INSL6: variants seen among roughly 807,000 people sequenced by gnomAD.
INSL6 encodes insulin like 6, also known as insulin-like peptide INSL6.
In INSL6, 16 loss-of-function variants were observed where a neutral mutation model predicts 9.4. The observed-to-expected ratio is 1.70, with a 90% CI of 1.15 to 2.59. The LOEUF (loss-of-function observed/expected upper bound fraction) is 2.59, where lower values mean the gene tolerates loss of function less well. Ranked by LOEUF, INSL6 falls within the 30% of genes most tolerant of loss-of-function variation. The probability of loss-of-function intolerance (pLI) is 0.00; values close to 1 mark genes in which losing one functional copy is unlikely to be tolerated. For missense variants in INSL6, 391 were observed against 257.3 expected (o/e 1.52, Z -3.56); for synonymous variants, 154 against 96.9 (o/e 1.59, Z -3.46).
At chr9:5,054,708 TA>T in the INSL6 span, 1 of 1,613,380 alleles carries the variant, frequency 6.2e-7, no homozygotes, top group Non-Finnish European at 8.5e-7. This position sits in a 1 kb window ranked among gnomAD's most constrained non-coding sequence, Gnocchi z 4.9. Flanking sequence ...GAAACTTAAG[TA>T]TCTTATAAAT....
chr9:5,113,717 G>C, the INSL6 span: 2 of 164,952 alleles, frequency 1.2e-5, no homozygotes, highest in Non-Finnish European at 2.8e-5. Flanking sequence ...GACCTTCCCA[G>C]CCACCACCCT....
At chr9:5,066,562 G>T in the INSL6 span, 6 of 647,642 alleles carry the variant, frequency 9.3e-6, no homozygotes, top group Admixed American at 1.2e-4. Context: ...AACATATAAA[G>T]TAGAGGAGAC....
chr9:5,103,939 G>C, the INSL6 span, among the ~76,000 whole-genome samples: 2 of 152,098 alleles, frequency 1.3e-5, no homozygotes, highest in Admixed American at 6.5e-5. Context: ...GAAATTTATA[G>C]CACTAAATGC....
At chr9:5,010,145 A>G in the INSL6 span, among the ~76,000 whole-genome samples, 1 of 152,114 alleles carries the variant, frequency 6.6e-6, no homozygotes, top group African/African-American at 2.4e-5. Context: ...TCTTCCTGGA[A>G]TTACTGTAAA....
At chr9:5,036,338 G>A in the INSL6 span, among the ~76,000 whole-genome samples, 2 of 152,152 alleles carry the variant, frequency 1.3e-5, no homozygotes, top group East Asian at 1.9e-4. Context: ...TCCCCATCAA[G>A]CTACAGATGA....
chr9:5,163,375 TC>T (rs1824968336), downstream of INSL6, among the ~76,000 whole-genome samples: 2 of 152,212 alleles, frequency 1.3e-5, no homozygotes, highest in Non-Finnish European at 2.9e-5. Context: ...TTCACTAAAC[TC>T]TCTTTTAAGT....
the INSL6 span, among the ~76,000 whole-genome samples, chr9:5,034,381 C>A: frequency 1.3e-5 from 2 of 152,118 alleles, no homozygotes; most frequent in Non-Finnish European, 2.9e-5. Flanking sequence ...CAGCTCTGGA[C>A]CAAGCAGACC....
chr9:5,163,858 T>TA (rs902185823), downstream of INSL6: 2 of 1,142,354 alleles, frequency 1.8e-6, no homozygotes, highest in African/African-American at 3.2e-5. Context: ...CAAAAAAAAA[T>TA]AGAGTTAAAT....
intron 1 of INSL6, among the ~76,000 whole-genome samples, chr9:5,169,374 G>A (rs1385874983): frequency 1.3e-5 from 2 of 152,176 alleles, no homozygotes; most frequent in South Asian, 4.2e-4. Context: ...CCTGAAGGAA[G>A]CAGTAAATAT....
chr9:5,172,278 A>C (rs1215146665), intron 1 of INSL6, among the ~76,000 whole-genome samples: 4 of 151,816 alleles, frequency 2.6e-5, no homozygotes, highest in Non-Finnish European at 5.9e-5. Flanking sequence ...GGAGAACTGG[A>C]CCACTTCCCT....
intron 2 of INSL6, among the ~76,000 whole-genome samples, chr9:5,146,467 A>T (rs1393763920): frequency 6.6e-6 from 1 of 152,154 alleles, no homozygotes; most frequent in African/African-American, 2.4e-5. Flanking sequence ...CTGCACTGGA[A>T]GTAGTGTTGG....
Position 5,143,585 on chromosome 9 carries a change from T to C in INSL6, c.377-9993A>G, listed in dbSNP as rs190008437. 1.2e-4 allele frequency among the ~76,000 whole-genome samples: 19 copies of C among 152,294 alleles called. No individual in the cohort carries two copies. In the East Asian group the frequency reaches 3.7e-3, roughly 29 times the overall value. On this transcript the variant is annotated intron_variant, in intron 2 of 3. Transcript: ENST00000649639. ...TATTTGAATTTTCTCTCTTTGCTTCTTTTTTAGTCTAGCTACTGGTCTATC... is the reference window on the plus strand; with the variant it reads ...TATTTGAATTTTCTCTCTTTGCTTCCTTTTTAGTCTAGCTACTGGTCTATC...
the INSL6 span, chr9:5,080,656 C>G: frequency 6.3e-7 from 1 of 1,596,638 alleles, no homozygotes; most frequent in Non-Finnish European, 8.5e-7. Context: ...AGCCATCATA[C>G]GAGATCTTAA....
At chr9:5,068,774 A>G in the INSL6 span, among the ~76,000 whole-genome samples, 3 of 152,216 alleles carry the variant, frequency 2.0e-5, no homozygotes, top group East Asian at 5.8e-4. Context: ...TATTGTTGCT[A>G]TTAATTATCA....
downstream of INSL6, among the ~76,000 whole-genome samples, chr9:5,120,739 T>G (rs1301461982): frequency 6.6e-6 from 1 of 152,168 alleles, no homozygotes; most frequent in Non-Finnish European, 1.5e-5. Flanking sequence ...GGAGACTGAT[T>G]GGAGATATTT....
At chr9:5,142,761 A>G (rs1490992387) in intron 2 of INSL6, among the ~76,000 whole-genome samples, 1 of 152,178 alleles carries the variant, frequency 6.6e-6, no homozygotes, top group Non-Finnish European at 1.5e-5. Context: ...GAGAGAGGGC[A>G]TCCTTGTTTT....
the INSL6 span, among the ~76,000 whole-genome samples, chr9:5,032,274 C>T: frequency 1.3e-5 from 2 of 152,224 alleles, no homozygotes; most frequent in African/African-American, 4.8e-5. Context: ...GTGGAGCCCA[C>T]CACAGCTCAA....
chr9:5,151,783 C>T (rs1421265231), intron 2 of INSL6, among the ~76,000 whole-genome samples: 2 of 152,082 alleles, frequency 1.3e-5, no homozygotes, highest in Non-Finnish European at 2.9e-5. Flanking sequence ...TATATTTAAA[C>T]ACAAATCATA....
the INSL6 span, among the ~76,000 whole-genome samples, chr9:5,088,903 T>A: frequency 0.24 from 36,785 of 152,188 alleles, 4,889 homozygotes; most frequent in South Asian, 0.3. Context: ...TACAGTCATA[T>A]TGGGGGTTAA....
Sources: gnomAD v4.1 joint callset for allele counts (sites outside exome capture counted in the v4.1 genomes callset) on GRCh38, gnomAD v4.1.1 for gene constraint, Gnocchi (gnomAD v3.1) non-coding constraint, MANE v1.5 for transcripts, NCBI Gene and HGNC (gene_info 2026-07-23, HGNC 2026-07-21) for gene names.